Variants in CSF3R observed in about 807,000 individuals in gnomAD.
CSF3R encodes granulocyte colony-stimulating factor receptor.
Under a neutral mutation model 84.4 loss-of-function variants are expected in CSF3R, and 52 were observed. The ratio of observed to expected loss-of-function variants is 0.62; its 90% confidence interval spans 0.49 to 0.78. The LOEUF (loss-of-function observed/expected upper bound fraction) is 0.78, where lower values mean the gene tolerates loss of function less well. Ranked by LOEUF, CSF3R falls within the 30% of genes least tolerant of loss-of-function variation. CSF3R has a pLI of 0.00. For synonymous variants in CSF3R, 384 were observed against 429.1 expected (o/e 0.89, Z 1.30); for missense variants, 890 against 1,055.7 (o/e 0.84, Z 2.17).
In CSF3R at chr1:36,467,934, G is replaced by C. The variant is rs1445024557; in HGVS notation, c.1752C>G (p.Gly584=). Residue 584 remains glycine (G), a synonymous_variant, in exon 14 of 17, where the codon GGC becomes GGG. Transcript: ENST00000373106. The surrounding 1 kb of genome is among the most constrained non-coding windows in gnomAD (Gnocchi z 4.1). ...FSAILNASSR[G]FVLHGLEPAS... ...CGGGCTCCAGGCCATGGAGGACAAAGCCACGGGAGGAGGCATTCAGGATGG... is the reference window on the plus strand; with the variant it reads ...CGGGCTCCAGGCCATGGAGGACAAACCCACGGGAGGAGGCATTCAGGATGG... The C allele has an allele frequency of 6.2e-7, 1 of 1,614,108 alleles. No homozygotes were observed. The highest frequency in any genetic ancestry group is 1.7e-5 in the Admixed American group (1 of 60,014).
chr1:36,470,106 A>G (rs1387111042), intron 10 of CSF3R, among the ~76,000 whole-genome samples: 1 of 152,228 alleles, frequency 6.6e-6, no homozygotes, highest in Non-Finnish European at 1.5e-5. Flanking sequence ...GTTAGTGATA[A>G]CAGCTAACAC....
chr1:36,467,237 A>T lies in CSF3R; in HGVS notation c.2033T>A (p.Met678Lys). 1 of 1,614,066 alleles carries T rather than the reference A, an allele frequency of 6.2e-7. No homozygotes were observed. Among genetic ancestry groups the T allele is most frequent in the South Asian group, 1.1e-5 (1 of 91,084 alleles). ...TCCCTCCTGGATTCTCACCTCCTCC[A>T]TGATTGTGGGCACCCAGGAGCCCAG... Reference protein sequence around the residue: ...SSLGSWVPTIMEEDAFQLPGL... With the variant: ...SSLGSWVPTIKEEDAFQLPGL... Residue 678 changes from methionine to lysine, a missense_variant, in exon 16 of 17, where the codon ATG becomes AAG. Coordinates refer to ENST00000373106, the MANE Select transcript of CSF3R (RefSeq NM_000760.4). The surrounding 1 kb of genome is among the most constrained non-coding windows in gnomAD (Gnocchi z 4.1).
At chr1:36,468,476 C>G (rs997434410) in intron 12 of CSF3R, 1 of 397,570 alleles carries the variant, frequency 2.5e-6, no homozygotes, top group Non-Finnish European at 4.5e-6. Context: ...CTGATTTCAT[C>G]TGATTTACTC....
rs529003104 is a variant in CSF3R at position 36,479,610 on chromosome 1, T to C, written c.-20-94A>G. On this transcript the variant is annotated intron_variant, in intron 2 of 16. Coordinates refer to ENST00000373106, the MANE Select transcript of CSF3R (RefSeq NM_000760.4). ...ACTGTGCAGCTTTGACTAGGTTGCTTGACTTCTCTGAGCCTTCGTTTCTTT... is the reference window on the plus strand; with the variant it reads ...ACTGTGCAGCTTTGACTAGGTTGCTCGACTTCTCTGAGCCTTCGTTTCTTT... 9.3e-6 allele frequency: 9 copies of C among 971,852 alleles called. No individual in the cohort carries two copies. The East Asian group carries it at 2.0e-4, about 22-fold the overall frequency. The allele number at this position is 971,852 out of a possible 1,614,324, so 60.2% of individuals were successfully genotyped here.
rs115077942 is a variant in CSF3R, at chr1:36,466,994, C to A, written c.2041-167G>T. Reference sequence around the variant, plus strand: ...TAGTATGTTCCTCACACATGCCTGACACATGCCATGCACCGTTCAGACTCA... The same window carrying A: ...TAGTATGTTCCTCACACATGCCTGAAACATGCCATGCACCGTTCAGACTCA... On this transcript the variant is annotated intron_variant, in intron 16 of 16. Transcript: ENST00000373106. The surrounding 1 kb of genome is among the most constrained non-coding windows in gnomAD (Gnocchi z 4.6). The A allele has an allele frequency of 1.3e-6, 2 of 1,525,804 alleles. No homozygotes were observed. Among genetic ancestry groups the A allele is most frequent in the Non-Finnish European group, 1.8e-6 (2 of 1,115,890 alleles). 94.5% of individuals were successfully genotyped at this position (1,525,804 alleles called of 1,614,324 possible). A position where few individuals can be genotyped will look rare whatever the true frequency, so the allele number is the denominator to read the frequency against.
chr1:36,479,386 T>C, intron 3 of CSF3R, 47 bp downstream of exon 3: 1 of 1,575,682 alleles, frequency 6.3e-7, no homozygotes, highest in East Asian at 2.2e-5. Context: ...ATATCTCTCC[T>C]TGTAGCTTCC....
chr1:36,468,292 G>A (rs1431005988), intron 12 of CSF3R, 71 bp from the exon 13 acceptor site: 1 of 1,475,714 alleles, frequency 6.8e-7, no homozygotes, highest in South Asian at 1.4e-5. Context: ...ACTTCTTGTG[G>A]CTTCCCAGAC....
Position 36,469,682 on chromosome 1 carries a change from T to G in CSF3R, c.1444A>C (p.Asn482His). 1 of 1,614,182 alleles carries G rather than the reference T, an allele frequency of 6.2e-7. No individual in the cohort carries two copies. Among genetic ancestry groups the G allele is most frequent in the East Asian group, 2.2e-5 (1 of 44,884 alleles). Reference sequence around the variant, plus strand: ...AGCAGAAACCCCGTGGCTCTCCCATTCTGTTCCATCCTCCAGGTCTTGTTG... The same window carrying G: ...AGCAGAAACCCCGTGGCTCTCCCATGCTGTTCCATCCTCCAGGTCTTGTTG... ...NSNKTWRMEQNGRATGFLLKE... is the reference protein window; with the variant it reads ...NSNKTWRMEQHGRATGFLLKE... The change falls in exon 11 of 17, where the codon AAT becomes CAT. Residue 482 changes from asparagine (N) to histidine (H), a missense_variant. Physicochemically the swap from Asn to His is moderately conservative, Grantham distance 68. Transcript: ENST00000373106.
In CSF3R at chr1:36,472,459, A is replaced by T. The variant is rs34363849; in HGVS notation, c.843+58T>A. 1,644 of 1,613,856 alleles carry T rather than the reference A, an allele frequency of 1.0e-3. 19 individuals carry two copies. In the East Asian group the frequency reaches 0.027, roughly 26 times the overall value. On this transcript the variant is annotated intron_variant, in intron 7 of 16. Transcript: ENST00000373106. The surrounding 1 kb of genome is among the most constrained non-coding windows in gnomAD (Gnocchi z 5.0). ...CCATTCTAGGGCCAGCTCGAGCCCG[A>T]CTTACCCTGCCCCCTGCCCCCACCA...
At position 36,472,123 on chromosome 1, in the gene CSF3R, C is replaced by T. The variant is rs147532578; in HGVS notation, c.1014G>A (p.Leu338=). ...GCTGCCTCTGCCGCCACCATGTGTC[C>T]AGTCTGACAGTGGGGGCTGTGGATG... is the stretch of plus-strand genomic sequence containing the variant. The part of the protein sequence containing the change: ...RTTERAPTVR[L]DTWWRQRQLD... The change falls in exon 9 of 17, where the codon CTG becomes CTA. Residue 338 remains leucine, a synonymous_variant. Coordinates refer to ENST00000373106, the MANE Select transcript of CSF3R (RefSeq NM_000760.4). This position sits in a 1 kb window ranked among gnomAD's most constrained non-coding sequence, Gnocchi z 5.0. The T allele has an allele frequency of 1.5e-5, 25 of 1,613,764 alleles. No homozygotes were observed. The highest frequency in any genetic ancestry group is 2.1e-5 in the Non-Finnish European group (25 of 1,180,038).
In CSF3R at chr1:36,475,659, C is replaced by G. The variant is rs759364352; in HGVS notation, c.79G>C (p.Gly27Arg). 1 of 1,606,950 alleles carries G rather than the reference C, an allele frequency of 6.2e-7. No individual in the cohort carries two copies. Among genetic ancestry groups the G allele is most frequent in the Non-Finnish European group, 8.5e-7 (1 of 1,175,326 alleles). The change falls in exon 4 of 17, where the codon GGG becomes CGG. Residue 27 changes from glycine to arginine, a missense_variant. Physicochemically the swap from Gly to Arg is moderately radical, Grantham distance 125. Transcript: ENST00000373106. The part of the protein sequence containing the change: ...LLLPGSLEEC[G>R]HISVSAPIVH... ...ATGGGGGCTGAGACACTGATGTGCC[C>G]GCACTCCTCCAGACCTGGGGTGGAA...
At chr1:36,480,173 A>T (rs1466361869) in intron 2 of CSF3R, 1 of 161,982 alleles carries the variant, frequency 6.2e-6, no homozygotes, top group African/African-American at 2.4e-5. Flanking sequence ...TCCCTGGCAC[A>T]TCCAGGTTGG....
chr1:36,474,390 C>CTTTT (rs911099378), intron 4 of CSF3R, among the ~76,000 whole-genome samples: 97 of 86,276 alleles, frequency 1.1e-3, no homozygotes, highest in Middle Eastern at 0.01. Flanking sequence ...ATTACTGGTG[C>CTTTT]TTTTTTTTTT....
chr1:36,466,873 C>T lies in CSF3R; in HGVS notation c.2041-46G>A, dbSNP rs146209034. The T allele has an allele frequency of 8.1e-4, 1,303 of 1,614,034 alleles. 5 individuals are homozygous for T. The highest frequency in any genetic ancestry group is 1.3e-3 in the Admixed American group (81 of 60,028). ...TGAGAGCACGGCTCATTTCAGATGT[C>T]TGCCCCAGCCACTGTCCCTGTCTGG... On this transcript the variant is annotated intron_variant, in intron 16 of 16. Transcript: ENST00000373106. This position sits in a 1 kb window ranked among gnomAD's most constrained non-coding sequence, Gnocchi z 4.6.
At chr1:36,478,038 G>A (rs1195734239) in intron 3 of CSF3R, among the ~76,000 whole-genome samples, 2 of 151,692 alleles carry the variant, frequency 1.3e-5, no homozygotes, top group African/African-American at 2.4e-5. Context: ...GATTACAGGC[G>A]TGAGCCACCG....
In CSF3R at chr1:36,469,207, G is replaced by A. The variant is rs1236469336; in HGVS notation, c.1525C>T (p.Gln509Ter). ...LYEIIVTPLY[Q>*]DTMGPSQHVY... ...TGCTGGGAGGGTCCCATGGTGTCCT[G>A]GTACAAGGGAGTCACGATGATCTCA... Residue 509 changes from glutamine to a stop codon, truncating the protein, a stop_gained, in exon 12 of 17, where the codon CAG becomes TAG. Coordinates refer to ENST00000373106, the MANE Select transcript of CSF3R (RefSeq NM_000760.4). LOFTEE classifies it high-confidence loss of function. 1.9e-6 allele frequency: 3 copies of A among 1,614,096 alleles called. No homozygotes were observed. Among genetic ancestry groups the A allele is most frequent in the Non-Finnish European group, 2.5e-6 (3 of 1,179,988 alleles).
At position 36,473,618 on chromosome 1, in the gene CSF3R, G is replaced by A. The variant is rs762191036; in HGVS notation, c.490C>T (p.Arg164Trp). ...TSFTLKSFKS[R>W]GNCQTQGDSI... ...TCCCCTTGGGTCTGACAGTTGCCCC[G>A]GCTCCTGCCAATAGTCCAGGCTTGG... The change falls in exon 6 of 17, where the codon CGG (arginine) becomes TGG (tryptophan). Residue 164 changes from arginine (R) to tryptophan (W), a missense_variant. Arg to Trp is a moderately radical substitution (Grantham distance 101). Transcript: ENST00000373106. The A allele has an allele frequency of 3.7e-5, 59 of 1,613,876 alleles. No individual in the cohort carries two copies. The highest frequency in any genetic ancestry group is 4.5e-5 in the Non-Finnish European group (53 of 1,180,046).
chr1:36,472,560 T>A lies in CSF3R; in HGVS notation c.800A>T (p.Glu267Val), dbSNP rs758364103. The A allele has an allele frequency of 4.3e-6, 7 of 1,614,164 alleles. No homozygotes were observed. Among genetic ancestry groups the A allele is most frequent in the Non-Finnish European group, 5.9e-6 (7 of 1,180,026 alleles). The change falls in exon 7 of 17, where the codon GAG becomes GTG. Residue 267 changes from glutamate (E) to valine (V), a missense_variant. Coordinates refer to ENST00000373106, the MANE Select transcript of CSF3R (RefSeq NM_000760.4). This position sits in a 1 kb window ranked among gnomAD's most constrained non-coding sequence, Gnocchi z 5.0. Reference protein sequence around the residue: ...QPGLHINQKCELRHKPQRGEA... With the variant: ...QPGLHINQKCVLRHKPQRGEA... ...TCCACGCTGCGGCTTGTGGCGCAGC[T>A]CACACTTCTGATTTATGTGCAGGCC...
chr1:36,467,136 A>G lies in CSF3R; in HGVS notation c.2040+94T>C, dbSNP rs1650374298. 1.4e-6 allele frequency: 2 copies of G among 1,417,120 alleles called. No individual in the cohort carries two copies. The highest frequency in any genetic ancestry group is 4.6e-5 in the East Asian group (2 of 43,876). The allele number at this position is 1,417,120 out of a possible 1,614,324, so 87.8% of individuals were successfully genotyped here. ...GGGACGAGATGTTGCCGGAAGTGAC[A>G]GGAAGGCCTGAGTACTTGGCTTCAG... On this transcript the variant is annotated intron_variant, in intron 16 of 16. Transcript: ENST00000373106. The surrounding 1 kb of genome is among the most constrained non-coding windows in gnomAD (Gnocchi z 4.1).
Sources: gnomAD v4.1 joint callset for allele counts (sites outside exome capture counted in the v4.1 genomes callset) on GRCh38, gnomAD v4.1.1 for gene constraint, Gnocchi (gnomAD v3.1) non-coding constraint, MANE v1.5 for transcripts, NCBI Gene and HGNC (gene_info 2026-07-23, HGNC 2026-07-21) for gene names.